TMCO4: variants seen among roughly 807,000 people sequenced by gnomAD.
TMCO4 encodes transmembrane and coiled-coil domain-containing protein 4.
In TMCO4, 58 loss-of-function variants were observed where a neutral mutation model predicts 64.7. The ratio of observed to expected loss-of-function variants is 0.90; its 90% CI spans 0.73 to 1.12. TMCO4 has a LOEUF of 1.12. TMCO4 is among the 50% of genes most tolerant of loss of function. TMCO4 has a pLI of 0.00. For missense variants in TMCO4, 780 were observed against 825.9 expected, an observed-to-expected ratio of 0.94 and a Z score of 0.68; for synonymous variants, 325 against 346.1, an observed-to-expected ratio of 0.94 and a Z score of 0.68.
chr1:19,721,520 G>A (rs1013800053), intron 13 of TMCO4, among the ~76,000 whole-genome samples: 3 of 152,156 alleles, frequency 2.0e-5, no homozygotes, highest in African/African-American at 7.2e-5. Context: ...CAGGCGCGGG[G>A]GCTCATGCCT....
chr1:19,795,433 T>C (rs574997357), intron 2 of TMCO4, among the ~76,000 whole-genome samples: 3 of 152,072 alleles, frequency 2.0e-5, no homozygotes, highest in East Asian at 1.9e-4. Flanking sequence ...GATTGCGCCA[T>C]TGCACTCCAG....
chr1:19,794,438 T>G (rs1159747792), intron 2 of TMCO4, among the ~76,000 whole-genome samples: 2 of 152,166 alleles, frequency 1.3e-5, no homozygotes, highest in Non-Finnish European at 2.9e-5. Flanking sequence ...GGTTTCCACT[T>G]GGGATAATTA....
chr1:19,725,271 T>G (rs918846754), intron 13 of TMCO4, among the ~76,000 whole-genome samples: 1 of 152,218 alleles, frequency 6.6e-6, no homozygotes, highest in Non-Finnish European at 1.5e-5. Context: ...TCTTGTCAAC[T>G]GCATGGACAG....
chr1:19,720,243 T>C (rs1479162592), intron 13 of TMCO4, among the ~76,000 whole-genome samples: 1 of 151,806 alleles, frequency 6.6e-6, no homozygotes, highest in Non-Finnish European at 1.5e-5. Context: ...CCTCAAGGAG[T>C]CCTCCCGCCT....
chr1:19,797,194 G>C (rs913481504), intron 2 of TMCO4, among the ~76,000 whole-genome samples: 7 of 152,134 alleles, frequency 4.6e-5, no homozygotes, highest in African/African-American at 1.7e-4. Context: ...ACTTGGCCCT[G>C]GTCCTGGATG....
chr1:19,749,721 A>G lies in TMCO4; in HGVS notation c.516-2461T>C, dbSNP rs529476953. 2.0e-4 allele frequency among the ~76,000 whole-genome samples: 30 copies of G among 152,326 alleles called. 1 individual carries two copies. In the South Asian group the frequency reaches 5.8e-3, roughly 29 times the overall value. On this transcript the variant is annotated intron_variant, in intron 7 of 15. Transcript: ENST00000294543. ...GGAAAGTGATTCATCTTCTTTCTCT[A>G]TGCCCCAAAACCAGCGATAATCTAG...
chr1:19,694,513 G>A lies in TMCO4; in HGVS notation c.1421C>T (p.Ser474Leu), dbSNP rs367840733. The change falls in exon 15 of 16, where the codon TCG becomes TTG. Residue 474 changes from serine (S) to leucine (L), a missense_variant. Transcript: ENST00000294543. Reference sequence around the variant, plus strand: ...TAGGCCGGCGACACGGAGCTGCACCGAGGATGTGCGGTACACGAAACTCAG... The same window carrying A: ...TAGGCCGGCGACACGGAGCTGCACCAAGGATGTGCGGTACACGAAACTCAG... ...WLLSFVYRTSSVQLRVAGLQP... is the reference protein window; with the variant it reads ...WLLSFVYRTSLVQLRVAGLQP... The A allele has an allele frequency of 9.3e-6, 15 of 1,614,102 alleles. No individual in the cohort carries two copies. Among genetic ancestry groups the A allele is most frequent in the South Asian group, 2.2e-5 (2 of 91,078 alleles).
intron 6 of TMCO4, among the ~76,000 whole-genome samples, chr1:19,760,800 T>C (rs1287409724): frequency 1.3e-5 from 2 of 152,246 alleles, no homozygotes; most frequent in Admixed American, 6.5e-5. Flanking sequence ...CCTCGGCCCA[T>C]GCCAAAAACA....
At chr1:19,731,059 C>G (rs2095427922) in intron 13 of TMCO4, among the ~76,000 whole-genome samples, 3 of 152,066 alleles carry the variant, frequency 2.0e-5, no homozygotes, top group Admixed American at 2.0e-4. Flanking sequence ...AAACAGCAGC[C>G]CTGGGCAAAG....
intron 3 of TMCO4, among the ~76,000 whole-genome samples, chr1:19,781,607 A>T (rs2043481124): frequency 6.6e-6 from 1 of 151,920 alleles, no homozygotes; most frequent in Admixed American, 6.6e-5. Context: ...GAGAATACCA[A>T]GTGCTGGTGA....
In TMCO4 at chr1:19,682,757, G is replaced by A. The variant is rs545283933; in HGVS notation, c.*283C>T. On this transcript the variant is annotated 3_prime_UTR_variant, in exon 16 of 16. Transcript: ENST00000294543. ...AGCCCACAGTTGGTTTCCGGTCCTG[G>A]GACTCTAACCTGTGCTTGGTTGACT... 114 of 718,786 alleles carry A rather than the reference G, an allele frequency of 1.6e-4. No individual in the cohort carries two copies. Among genetic ancestry groups the A allele is most frequent in the Non-Finnish European group, 2.8e-4 (109 of 386,402 alleles). The allele number at this position is 718,786 out of a possible 1,614,324, so 44.5% of individuals were successfully genotyped here. A position where few individuals can be genotyped will look rare whatever the true frequency, so the allele number is the denominator to read the frequency against.
intron 3 of TMCO4, among the ~76,000 whole-genome samples, chr1:19,782,092 G>A (rs980269951): frequency 6.6e-6 from 1 of 152,152 alleles, no homozygotes; most frequent in African/African-American, 2.4e-5. Flanking sequence ...CTTAAGTCAC[G>A]AAAAGACACA....
chr1:19,721,665 T>G (rs2095384153), intron 13 of TMCO4, among the ~76,000 whole-genome samples: 1 of 152,070 alleles, frequency 6.6e-6, no homozygotes, highest in Non-Finnish European at 1.5e-5. Context: ...GGCACATGCC[T>G]GTAGTCCCAG....
chr1:19,785,453 C>A (rs984216903), intron 3 of TMCO4, among the ~76,000 whole-genome samples: 1 of 152,110 alleles, frequency 6.6e-6, no homozygotes, highest in Non-Finnish European at 1.5e-5. Flanking sequence ...TGCCACACCC[C>A]GAGCTTTCTG....
chr1:19,701,943 T>C (rs1319650358), intron 13 of TMCO4, among the ~76,000 whole-genome samples: 12 of 152,286 alleles, frequency 7.9e-5, no homozygotes, highest in African/African-American at 2.9e-4. Flanking sequence ...AAGACCAGCT[T>C]GGGCAACATA....
chr1:19,783,169 G>A (rs2043572000), intron 3 of TMCO4, among the ~76,000 whole-genome samples: 1 of 152,196 alleles, frequency 6.6e-6, no homozygotes, highest in Admixed American at 6.5e-5. Context: ...AGGGCACTGG[G>A]GTTGCAATTT....
intron 14 of TMCO4, among the ~76,000 whole-genome samples, chr1:19,700,123 A>G (rs987880516): frequency 6.6e-6 from 1 of 152,060 alleles, no homozygotes; most frequent in African/African-American, 2.4e-5. Flanking sequence ...CTCCTGCCCC[A>G]AAGTCTGAGT....
intron 7 of TMCO4, among the ~76,000 whole-genome samples, chr1:19,749,131 G>A (rs905231382): frequency 6.6e-6 from 1 of 152,228 alleles, no homozygotes; most frequent in African/African-American, 2.4e-5. Context: ...CACAGTGGGA[G>A]GCAGGAGGGC....
At chr1:19,693,275 G>A (rs964291834) in intron 15 of TMCO4, among the ~76,000 whole-genome samples, 3 of 150,768 alleles carry the variant, frequency 2.0e-5, no homozygotes, top group African/African-American at 7.3e-5. Context: ...CTGAGGTCAG[G>A]AGTTCAAGAC....
Sources: allele counts gnomAD v4.1 joint callset (sites outside exome capture counted in the v4.1 genomes callset), GRCh38; gene constraint gnomAD v4.1.1; transcripts MANE v1.5; gene names NCBI Gene and HGNC (gene_info 2026-07-23, HGNC 2026-07-21).